The following CNDP1 variants were observed in gnomAD, a reference collection of about 807,000 sequenced individuals.
CNDP1 encodes carnosine dipeptidase 1.
A neutral mutation model predicts 58.1 loss-of-function variants in CNDP1; 44 were observed. The observed-to-expected ratio is 0.76, with a 90% confidence interval of 0.60 to 0.97. The LOEUF (loss-of-function observed/expected upper bound fraction) is 0.97. Ranked by LOEUF, CNDP1 falls within the 50% of genes least tolerant of loss-of-function variation. The pLI is 0.00. For synonymous variants in CNDP1, 254 were observed against 252.6 expected, an observed-to-expected ratio of 1.01 and a Z score of -0.05; for missense variants, 616 against 655.1, an observed-to-expected ratio of 0.94 and a Z score of 0.65.
chr18:74,563,832 A>G (rs1438694168), intron 5 of CNDP1, among the ~76,000 whole-genome samples: 1 of 152,212 alleles, frequency 6.6e-6, no homozygotes, highest in African/African-American at 2.4e-5. Flanking sequence ...CCCAGCTGCT[A>G]ATGCATGCGG....
At chr18:74,541,363 C>CAG (rs904674757) in intron 1 of CNDP1, among the ~76,000 whole-genome samples, 9 of 152,220 alleles carry the variant, frequency 5.9e-5, no homozygotes, top group Admixed American at 3.3e-4. Context: ...TGCGGCTCAC[C>CAG]AGAGAGAGAT....
intron 8 of CNDP1, 200 bp downstream of exon 8, chr18:74,577,229 T>C (rs1981658115): frequency 2.4e-6 from 1 of 418,850 alleles, no homozygotes; most frequent in East Asian, 3.8e-5. Flanking sequence ...TGGCGTCTAA[T>C]TGGCACTGGC....
chr18:74,582,688 A>T (rs1981817536), intron 10 of CNDP1, among the ~76,000 whole-genome samples: 1 of 152,232 alleles, frequency 6.6e-6, no homozygotes, highest in African/African-American at 2.4e-5. Flanking sequence ...GTCATGAAAG[A>T]CAAGGAAATA....
chr18:74,580,026 G>C, intron 9 of CNDP1, 104 bp from the exon 10 acceptor site: 1 of 983,498 alleles, frequency 1.0e-6, no homozygotes, highest in Non-Finnish European at 1.5e-6. Context: ...TGATGGAAGA[G>C]GCTATATTAA....
intron 11 of CNDP1, 98 bp from the exon 12 acceptor site, chr18:74,584,398 A>G: frequency 1.2e-6 from 1 of 823,760 alleles, no homozygotes; most frequent in Non-Finnish European, 2.1e-6. Flanking sequence ...AATGGAATTT[A>G]TAACATCAAA....
intron 5 of CNDP1, 80 bp downstream of exon 5, chr18:74,562,215 A>T (rs1331095960): frequency 7.7e-7 from 1 of 1,294,052 alleles, no homozygotes; most frequent in East Asian, 2.3e-5. Flanking sequence ...CTGTGTTCTG[A>T]GCAAACTGCC....
rs1376062879 is a variant in CNDP1, at chr18:74,560,893, T to C, written c.341T>C (p.Ile114Thr). 6.2e-7 allele frequency: 1 copy of C among 1,614,140 alleles called. No individual in the cohort carries two copies. The highest frequency in any genetic ancestry group is 1.1e-5 in the South Asian group (1 of 91,084). Reference sequence around the variant, plus strand: ...CAGAGTCTTCCAATACCTCCCGTCATCCTGGCCGAACTGGGGAGCGATCCC... The same window carrying C: ...CAGAGTCTTCCAATACCTCCCGTCACCCTGGCCGAACTGGGGAGCGATCCC... ...DGQSLPIPPVILAELGSDPTK... is the reference protein window; with the variant it reads ...DGQSLPIPPVTLAELGSDPTK... Residue 114 changes from isoleucine to threonine, a missense_variant, in exon 4 of 12, where the codon ATC becomes ACC. Ile to Thr is a moderately conservative substitution (Grantham distance 89). Coordinates refer to ENST00000358821, the MANE Select transcript of CNDP1 (RefSeq NM_032649.6).
At chr18:74,579,329 C>G (rs917067367) in intron 9 of CNDP1, among the ~76,000 whole-genome samples, 5 of 138,384 alleles carry the variant, frequency 3.6e-5, no homozygotes, top group Non-Finnish European at 6.3e-5. Flanking sequence ...CCCCTCCCCT[C>G]TCCATCCCCT....
chr18:74,586,079 G>T lies in CNDP1; in HGVS notation c.*1517G>T, dbSNP rs1337247116. ...CTCTGTTGGTTCTTGAGATGTCAGT[G>T]TCAGTTTAAAAACGTGCTGTACCAC... On this transcript the variant is annotated 3_prime_UTR_variant, in exon 12 of 12. Transcript: ENST00000358821. The T allele has an allele frequency of 6.6e-6, 1 of 150,538 alleles. No individual in the cohort carries two copies. The highest frequency in any genetic ancestry group is 1.5e-5 in the Non-Finnish European group (1 of 67,832). The allele number at this position is 150,538 out of a possible 1,614,324, so 9.3% of individuals were successfully genotyped here. A position where few individuals can be genotyped will look rare whatever the true frequency, so the allele number is the denominator to read the frequency against.
In CNDP1 at chr18:74,544,253, A is replaced by T. The variant is rs529860516; in HGVS notation, c.24+9562A>T. ...GGCAACAGAGGGAGACTCTGTCTCA[A>T]AAAATAAATACGTAAAAATAAATGT... On this transcript the variant is annotated intron_variant, in intron 1 of 11. Transcript: ENST00000358821. Among the ~76,000 whole-genome samples the T allele has an allele frequency of 2.6e-4, 40 of 152,350 alleles. No homozygotes were observed. In the East Asian group the frequency reaches 7.7e-3, roughly 29 times the overall value.
At position 74,583,411 on chromosome 18, in the gene CNDP1, C is replaced by T. The variant is rs561113584; in HGVS notation, c.1310-150C>T. Reference sequence around the variant, plus strand: ...ATAATTGCATGATATCAAGGGGCTTCCTTACCCCAAAGCACCAAATCTAAT... The same window carrying T: ...ATAATTGCATGATATCAAGGGGCTTTCTTACCCCAAAGCACCAAATCTAAT... On this transcript the variant is annotated intron_variant, in intron 10 of 11. Coordinates refer to ENST00000358821, the MANE Select transcript of CNDP1 (RefSeq NM_032649.6). 1.2e-5 allele frequency: 8 copies of T among 647,156 alleles called. No individual in the cohort carries two copies. The African/African-American group carries it at 1.3e-4, about 10-fold the overall frequency. 40.1% of individuals were successfully genotyped at this position (647,156 alleles called of 1,614,324 possible).
intron 2 of CNDP1, 149 bp from the exon 3 acceptor site, chr18:74,559,172 TCA>T (rs1981119240): frequency 6.9e-6 from 5 of 721,276 alleles, no homozygotes; most frequent in South Asian, 6.5e-5. Context: ...CTCTTAAATG[TCA>T]CAGTGTTCAC....
In CNDP1 at chr18:74,578,208, C is replaced by T. The variant is rs1177870567; in HGVS notation, c.1048C>T (p.His350Tyr). ...HLWRYPSLSI[H>Y]GIEGAFDEPG... ...CTGGAGGTACCCATCTCTTTCTATT[C>T]ATGGGATCGAGGGCGCGTTTGATGA... Residue 350 changes from histidine to tyrosine, a missense_variant, in exon 9 of 12, where the codon CAT (histidine) becomes TAT (tyrosine). Coordinates refer to ENST00000358821, the MANE Select transcript of CNDP1 (RefSeq NM_032649.6). The T allele has an allele frequency of 1.2e-6, 2 of 1,614,020 alleles. No individual in the cohort carries two copies. The highest frequency in any genetic ancestry group is 8.5e-7 in the Non-Finnish European group (1 of 1,179,998).
chr18:74,571,306 G>A (rs1291063266), intron 7 of CNDP1, 36 bp downstream of exon 7: 1 of 1,400,280 alleles, frequency 7.1e-7, no homozygotes, highest in African/African-American at 1.4e-5. Context: ...TTAAGCATCA[G>A]GGATCAACTA....
chr18:74,572,790 C>CA (rs56059264), intron 7 of CNDP1, among the ~76,000 whole-genome samples: 2,543 of 59,990 alleles, frequency 0.042, 153 homozygotes, highest in African/African-American at 0.14. Context: ...GACCCTGTAT[C>CA]AAAAAAAAAA....
chr18:74,578,407 T>C, intron 9 of CNDP1, 80 bp downstream of exon 9: 2 of 1,383,594 alleles, frequency 1.4e-6, no homozygotes, highest in South Asian at 2.7e-5. Flanking sequence ...TAGTGAGCAG[T>C]GAGGTTGCTA....
chr18:74,543,612 A>G (rs1283492416), intron 1 of CNDP1, among the ~76,000 whole-genome samples: 3 of 152,258 alleles, frequency 2.0e-5, no homozygotes, highest in African/African-American at 7.2e-5. Context: ...ATAACTGAAC[A>G]GTAAAAATTC....
chr18:74,551,391 C>CAA (rs1183751345), intron 1 of CNDP1, among the ~76,000 whole-genome samples: 1 of 139,268 alleles, frequency 7.2e-6, no homozygotes, highest in Non-Finnish European at 1.6e-5. Context: ...CACACACACA[C>CAA]ACAAACAAAA....
At position 74,551,361 on chromosome 18, in the gene CNDP1, AACACACACACACACAC is replaced by A. The variant is rs74178982; in HGVS notation, c.25-4959_25-4944del. Among the ~76,000 whole-genome samples the A allele has an allele frequency of 3.4e-5, 5 of 148,078 alleles. No homozygotes were observed. In the South Asian group the frequency reaches 6.5e-4, roughly 19 times the overall value. Reference sequence around the variant, plus strand: ...CTAGTTCAAGGTCAAGCACAACTGTAACACACACACACACACACACACACACACACACAAACAAAAA... The same window carrying A: ...CTAGTTCAAGGTCAAGCACAACTGTAACACACACACACACACAAACAAAAA... On this transcript the variant is annotated intron_variant, in intron 1 of 11. Transcript: ENST00000358821.
Sources: gnomAD v4.1 joint callset for allele counts (sites outside exome capture counted in the v4.1 genomes callset) on GRCh38, gnomAD v4.1.1 for gene constraint, MANE v1.5 for transcripts, NCBI Gene and HGNC (gene_info 2026-07-23, HGNC 2026-07-21) for gene names.